CPT1A: variants seen among roughly 807,000 people sequenced by gnomAD.
CPT1A encodes the protein carnitine palmitoyltransferase 1A, also known as carnitine O-palmitoyltransferase 1, liver isoform.
CPT1A carries 64 observed loss-of-function variants against 100.8 expected under a neutral mutation model. That is an observed-to-expected ratio of 0.63 (90% confidence interval 0.52 to 0.78). The LOEUF (loss-of-function observed/expected upper bound fraction) is 0.78, where lower values mean the gene tolerates loss of function less well. Among genes scored for constraint, CPT1A ranks in the 30% least tolerant of loss-of-function variants. The pLI is 0.00. For missense variants in CPT1A, 802 were observed against 1,034.1 expected (o/e 0.78, Z 3.08); for synonymous variants, 363 against 396.0 (o/e 0.92, Z 0.99).
intron 11 of CPT1A, among the ~76,000 whole-genome samples, chr11:68,781,432 C>A (rs1855308405): frequency 6.6e-6 from 1 of 152,048 alleles, no homozygotes. Context: ...CCAGCCTGGC[C>A]AACATGGTGA....
chr11:68,838,571 TTAAAAAA>T (rs1349633993), intron 1 of CPT1A, among the ~76,000 whole-genome samples: 3 of 74,210 alleles, frequency 4.0e-5, no homozygotes, highest in Non-Finnish European at 6.2e-5. Context: ...CTGCACCTTT[TTAAAAAA>T]AAAAAAAAAA....
At chr11:68,838,572 T>TCAAAAAAAA (rs1491356211) in intron 1 of CPT1A, among the ~76,000 whole-genome samples, 1 of 95,514 alleles carries the variant, frequency 1.0e-5, no homozygotes, top group African/African-American at 5.1e-5. Flanking sequence ...TGCACCTTTT[T>TCAAAAAAAA]AAAAAAAAAA....
chr11:68,828,589 G>A (rs532781676), intron 1 of CPT1A, among the ~76,000 whole-genome samples: 121 of 152,270 alleles, frequency 7.9e-4, no homozygotes, highest in African/African-American at 2.8e-3. Flanking sequence ...GCCCCAGCAC[G>A]CTGGGAGAAG....
intron 4 of CPT1A, among the ~76,000 whole-genome samples, chr11:68,805,498 G>A (rs1856017428): frequency 6.6e-6 from 1 of 151,892 alleles, no homozygotes; most frequent in Non-Finnish European, 1.5e-5. Context: ...CCCGGTGTGT[G>A]GTGGGCACTG....
At chr11:68,815,268 C>T (rs961043438) in intron 2 of CPT1A, 66 bp downstream of exon 2, 109 of 1,535,480 alleles carry the variant, frequency 7.1e-5, no homozygotes, top group Middle Eastern at 2.2e-4. Flanking sequence ...ACCTCAATAG[C>T]AGCCAGAGCC....
intron 5 of CPT1A, 68 bp downstream of exon 5, chr11:68,803,932 A>G: frequency 7.9e-7 from 1 of 1,269,108 alleles, no homozygotes; most frequent in Non-Finnish European, 1.2e-6. Context: ...CTAGTTCATC[A>G]TAATTAAGAC....
chr11:68,827,680 T>A (rs543742397), intron 1 of CPT1A, among the ~76,000 whole-genome samples: 2 of 152,180 alleles, frequency 1.3e-5, no homozygotes, highest in South Asian at 4.1e-4. Flanking sequence ...CTGCAAAAAT[T>A]TCTAAGATGC....
At chr11:68,804,378 C>G (rs1457377849) in intron 4 of CPT1A, among the ~76,000 whole-genome samples, 1 of 152,136 alleles carries the variant, frequency 6.6e-6, no homozygotes, top group African/African-American at 2.4e-5. Context: ...AAGCATATAA[C>G]CCTGCCCTCC....
intron 13 of CPT1A, chr11:68,773,979 G>A (rs573481444): frequency 2.9e-5 from 5 of 174,088 alleles, no homozygotes; most frequent in East Asian, 2.9e-4. Flanking sequence ...AACATACTGC[G>A]CATGCTCCCT....
At chr11:68,815,035 G>A (rs1352247620) in intron 2 of CPT1A, among the ~76,000 whole-genome samples, 1 of 152,196 alleles carries the variant, frequency 6.6e-6, no homozygotes, top group Non-Finnish European at 1.5e-5. Context: ...ACTCAGAGCA[G>A]AAGATGTGAA....
At chr11:68,765,262 A>T (rs1261095561) in intron 14 of CPT1A, among the ~76,000 whole-genome samples, 1 of 152,236 alleles carries the variant, frequency 6.6e-6, no homozygotes, top group Non-Finnish European at 1.5e-5. Flanking sequence ...CAATGTTCCA[A>T]TATCAAACTT....
chr11:68,766,982 C>T (rs561392501), intron 14 of CPT1A, among the ~76,000 whole-genome samples: 23 of 152,218 alleles, frequency 1.5e-4, no homozygotes, highest in African/African-American at 4.8e-4. Flanking sequence ...CTCTCTGTGG[C>T]GACTACTCCG....
In CPT1A at chr11:68,762,797, C is replaced by A. The variant is rs780165341; in HGVS notation, c.1741-36G>T. On this transcript the variant is annotated intron_variant, in intron 14 of 18. Coordinates refer to ENST00000265641, the MANE Select transcript of CPT1A (RefSeq NM_001876.4). Reference sequence around the variant, plus strand: ...AGAAGTACTTCAGTGCACGGCAGGGCATGCTGATATGTCTAAAACGTAAGG... The same window carrying A: ...AGAAGTACTTCAGTGCACGGCAGGGAATGCTGATATGTCTAAAACGTAAGG... 1.1e-5 allele frequency: 17 copies of A among 1,613,226 alleles called. No homozygotes were observed. The East Asian group carries it at 3.1e-4, about 30-fold the overall frequency.
intron 15 of CPT1A, among the ~76,000 whole-genome samples, chr11:68,762,417 T>C (rs918926724): frequency 2.0e-5 from 3 of 152,362 alleles, no homozygotes; most frequent in African/African-American, 7.2e-5. Context: ...ATTTGTAACA[T>C]GCGTCTCTGT....
rs1946665407 is a variant in CPT1A, at chr11:68,755,050, A to T, written c.*2594T>A. On this transcript the variant is annotated 3_prime_UTR_variant, in exon 19 of 19. Transcript: ENST00000265641. The stretch of plus-strand genomic sequence containing the variant: ...CAATGGTTTGTTCCAATTAAATTAA[A>T]CAGATAATACTCTTATCACCCCCCT... 1.7e-6 allele frequency: 1 copy of T among 578,422 alleles called. No individual in the cohort carries two copies. The highest frequency in any genetic ancestry group is 1.9e-5 in the African/African-American group (1 of 53,646). The allele number at this position is 578,422 out of a possible 1,614,324, so 35.8% of individuals were successfully genotyped here.
Position 68,841,617 on chromosome 11 carries a change from G to C in CPT1A, c.-14+158C>G, listed in dbSNP as rs570900455. ...GGTTCAGGATCTCCACAACCCCGCC[G>C]TCCGGGGGGAATACCGGGGTTCCTC... On this transcript the variant is annotated intron_variant, in intron 1 of 18. Transcript: ENST00000265641. This position sits in a 1 kb window ranked among gnomAD's most constrained non-coding sequence, Gnocchi z 6.3. Among the ~76,000 whole-genome samples, 1 of 152,096 alleles carries C rather than the reference G, an allele frequency of 6.6e-6. No homozygotes were observed. Among genetic ancestry groups the C allele is most frequent in the Non-Finnish European group, 1.5e-5 (1 of 67,986 alleles).
chr11:68,758,062 G>A (rs569026183), intron 18 of CPT1A, among the ~76,000 whole-genome samples: 1 of 152,312 alleles, frequency 6.6e-6, no homozygotes, highest in Non-Finnish European at 1.5e-5. Context: ...GAGCCCAGGA[G>A]TTCAAGACCA....
Position 68,784,996 on chromosome 11 carries a change from T to C in CPT1A, c.982A>G (p.Met328Val). 6.2e-7 allele frequency: 1 copy of C among 1,613,808 alleles called. No individual in the cohort carries two copies. Among genetic ancestry groups the C allele is most frequent in the Non-Finnish European group, 8.5e-7 (1 of 1,180,016 alleles). The change falls in exon 10 of 19, where the codon ATG becomes GTG. Residue 328 changes from methionine to valine, a missense_variant. This residue lies in a region of CPT1A where 627 missense variants were observed against 799.3 expected (regional missense o/e 0.78). Coordinates refer to ENST00000265641, the MANE Select transcript of CPT1A (RefSeq NM_001876.4). ...PGEETDTIQH[M>V]RDSKHIVVYH... ...ACGACGATGTGCTTGCTGTCTCTCATGTGCTGGATGGTGTCTGAGCCGGCC... is the reference window on the plus strand; with the variant it reads ...ACGACGATGTGCTTGCTGTCTCTCACGTGCTGGATGGTGTCTGAGCCGGCC...
Position 68,773,922 on chromosome 11 carries a change from C to T in CPT1A, c.1576-493G>A, listed in dbSNP as rs188442583. The T allele has an allele frequency of 2.2e-5, 5 of 230,218 alleles. No homozygotes were observed. In the East Asian group the frequency reaches 5.2e-4, roughly 24 times the overall value. 14.3% of individuals were successfully genotyped at this position (230,218 alleles called of 1,614,324 possible). A position where few individuals can be genotyped will look rare whatever the true frequency, so the allele number is the denominator to read the frequency against. On this transcript the variant is annotated intron_variant, in intron 13 of 18. Coordinates refer to ENST00000265641, the MANE Select transcript of CPT1A (RefSeq NM_001876.4). ...ATGAGCTTCCTCCAGCAGTGCTAGA[C>T]AGGCAAGGGCAGAACACCTCAAGTG...
Sources: gnomAD v4.1 joint callset for allele counts (sites outside exome capture counted in the v4.1 genomes callset) on GRCh38, gnomAD v4.1.1 for gene constraint, gnomAD v4.1.1 regional missense constraint, Gnocchi (gnomAD v3.1) non-coding constraint, MANE v1.5 for transcripts, NCBI Gene and HGNC (gene_info 2026-07-23, HGNC 2026-07-21) for gene names.